The following GRIK1 variants were observed in gnomAD, a reference collection of about 807,000 sequenced individuals.
The protein encoded by GRIK1 is glutamate receptor ionotropic, kainate 1.
In GRIK1, 69 loss-of-function variants were observed where a neutral mutation model predicts 105.7. That is an observed-to-expected ratio of 0.65 (90% CI 0.54 to 0.80). The LOEUF is 0.80. Among genes scored for constraint, GRIK1 ranks in the 30% least tolerant of loss-of-function variants. The pLI, the probability that GRIK1 is intolerant of heterozygous loss-of-function variation, is 0.00. For synonymous variants in GRIK1, 438 were observed against 431.3 expected, an observed-to-expected ratio of 1.02 and a Z score of -0.19; for missense variants, 1,109 against 1,167.3, an observed-to-expected ratio of 0.95 and a Z score of 0.73.
chr21:29,616,428 A>G (rs2061853329), intron 7 of GRIK1, among the ~76,000 whole-genome samples: 1 of 152,170 alleles, frequency 6.6e-6, no homozygotes, highest in South Asian at 2.1e-4. Context: ...TTCTTAACTA[A>G]TCCTTTTGCA....
intron 4 of GRIK1, among the ~76,000 whole-genome samples, chr21:29,666,657 C>T (rs1040095782): frequency 6.6e-5 from 10 of 152,184 alleles, no homozygotes; most frequent in Admixed American, 1.3e-4. Context: ...GATATCCCTA[C>T]CACATTCTCT....
At chr21:29,778,480 C>T (rs556219636) in intron 1 of GRIK1, among the ~76,000 whole-genome samples, 1 of 152,314 alleles carries the variant, frequency 6.6e-6, no homozygotes, top group East Asian at 1.9e-4. Context: ...GGGACTCCTT[C>T]ATGAAAGATG....
intron 1 of GRIK1, among the ~76,000 whole-genome samples, chr21:29,751,611 A>AT (rs1408369368): frequency 6.6e-6 from 1 of 152,198 alleles, no homozygotes; most frequent in Non-Finnish European, 1.5e-5. Flanking sequence ...TGCATGCTCC[A>AT]TAAGTCCTTC....
chr21:29,661,150 C>T (rs2062953736), intron 4 of GRIK1, among the ~76,000 whole-genome samples: 2 of 152,182 alleles, frequency 1.3e-5, no homozygotes, highest in South Asian at 4.1e-4. Context: ...ATTCATGCCA[C>T]ATTGAATGAT....
At chr21:29,743,340 A>T (rs554315798) in intron 1 of GRIK1, among the ~76,000 whole-genome samples, 1 of 152,294 alleles carries the variant, frequency 6.6e-6, no homozygotes, top group African/African-American at 2.4e-5. Context: ...GTTACCATTT[A>T]TGCTTTGGAA....
At chr21:29,560,633 G>A (rs773299256) in intron 15 of GRIK1, among the ~76,000 whole-genome samples, 14 of 134,244 alleles carry the variant, frequency 1.0e-4, no homozygotes, top group East Asian at 4.5e-4. Flanking sequence ...ATGGAGTCTC[G>A]CTCTGTTGCC....
intron 1 of GRIK1, among the ~76,000 whole-genome samples, chr21:29,864,153 T>C (rs1192582518): frequency 1.3e-5 from 2 of 152,106 alleles, no homozygotes; most frequent in Non-Finnish European, 2.9e-5. Flanking sequence ...GAAGACTGTG[T>C]TTGTGATCAG....
intron 7 of GRIK1, among the ~76,000 whole-genome samples, chr21:29,613,808 T>C (rs1601268665): frequency 6.6e-6 from 1 of 152,326 alleles, no homozygotes; most frequent in East Asian, 1.9e-4. Flanking sequence ...TATTGGAATG[T>C]TGAAATGCTC....
intron 4 of GRIK1, among the ~76,000 whole-genome samples, chr21:29,663,973 A>T (rs1221681017): frequency 6.6e-6 from 1 of 152,176 alleles, no homozygotes; most frequent in African/African-American, 2.4e-5. Flanking sequence ...TGAATCTGAA[A>T]CATATTCCGA....
chr21:29,867,850 AAG>A (rs1305176231), intron 1 of GRIK1, among the ~76,000 whole-genome samples: 2 of 142,694 alleles, frequency 1.4e-5, no homozygotes, highest in Middle Eastern at 3.4e-3. Flanking sequence ...GAAGGAAGGA[AAG>A]AGAGAAAGAG....
chr21:29,846,463 G>A (rs7279449), intron 1 of GRIK1, among the ~76,000 whole-genome samples: 3,993 of 127,770 alleles, frequency 0.031, 97 homozygotes, highest in African/African-American at 0.061. Context: ...GAAAGAGAGA[G>A]AGAAAGAAAG....
At chr21:29,655,314 G>A (rs1373492991) in intron 4 of GRIK1, among the ~76,000 whole-genome samples, 6 of 151,970 alleles carry the variant, frequency 3.9e-5, no homozygotes, top group Non-Finnish European at 5.9e-5. Context: ...AGGCTGAGGC[G>A]GGAGAATCGC....
intron 1 of GRIK1, among the ~76,000 whole-genome samples, chr21:29,767,755 T>A (rs2065707814): frequency 6.6e-6 from 1 of 152,140 alleles, no homozygotes; most frequent in Admixed American, 6.6e-5. Flanking sequence ...AAGTCCCTAC[T>A]CCTCTTCTCT....
intron 1 of GRIK1, among the ~76,000 whole-genome samples, chr21:29,763,070 C>T (rs2065568006): frequency 6.6e-6 from 1 of 152,174 alleles, no homozygotes; most frequent in South Asian, 2.1e-4. Flanking sequence ...TATGGTTTGA[C>T]TCTGTGTCCC....
At chr21:29,822,425 C>T (rs1383351848) in intron 1 of GRIK1, among the ~76,000 whole-genome samples, 1 of 151,940 alleles carries the variant, frequency 6.6e-6, no homozygotes, top group Non-Finnish European at 1.5e-5. Flanking sequence ...GCAGACAATT[C>T]TACTTTGTTC....
At chr21:29,810,398 C>A (rs1209914800) in intron 1 of GRIK1, among the ~76,000 whole-genome samples, 1 of 138,802 alleles carries the variant, frequency 7.2e-6, no homozygotes, top group Non-Finnish European at 1.5e-5. Context: ...ACAAAGTGAG[C>A]ACATTGTGTT....
chr21:29,754,526 G>T (rs2065286057), intron 1 of GRIK1, among the ~76,000 whole-genome samples: 1 of 152,198 alleles, frequency 6.6e-6, no homozygotes, highest in African/African-American at 2.4e-5. Context: ...GAAATGAGGA[G>T]TAATCCTCGC....
intron 1 of GRIK1, among the ~76,000 whole-genome samples, chr21:29,751,740 G>T (rs1001404461): frequency 6.6e-6 from 1 of 152,164 alleles, no homozygotes; most frequent in Non-Finnish European, 1.5e-5. Context: ...ATATGTCCTG[G>T]TGGGTACTGG....
At chr21:29,810,815 G>A in intron 1 of GRIK1, among the ~76,000 whole-genome samples, 1 of 152,126 alleles carries the variant, frequency 6.6e-6, no homozygotes, top group Middle Eastern at 3.4e-3. Flanking sequence ...TGTTCATCAA[G>A]CATCTATTTT....
Sources: allele counts gnomAD v4.1 joint callset (sites outside exome capture counted in the v4.1 genomes callset), GRCh38; gene constraint gnomAD v4.1.1; transcripts MANE v1.5; gene names NCBI Gene and HGNC (gene_info 2026-07-23, HGNC 2026-07-21).